Variants in SUMF1 observed in about 807,000 individuals in gnomAD.
The protein encoded by SUMF1 is sulfatase modifying factor 1.
In SUMF1, 48 loss-of-function variants were observed where a neutral mutation model predicts 47.6. That is an observed-to-expected ratio of 1.01 (90% CI 0.80 to 1.28). The LOEUF is 1.28. SUMF1 is among the 50% of genes most tolerant of loss of function. SUMF1 has a pLI of 0.00. For synonymous variants in SUMF1, 230 were observed against 192.1 expected (o/e 1.20, Z -1.63); for missense variants, 571 against 485.4 (o/e 1.18, Z -1.66).
At chr3:4,214,698 A>G (rs1404411723) in intron 8 of SUMF1, among the ~76,000 whole-genome samples, 1 of 152,118 alleles carries the variant, frequency 6.6e-6, no homozygotes, top group African/African-American at 2.4e-5. Flanking sequence ...ATGCAATAAA[A>G]AATCATATAG....
intron 8 of SUMF1, among the ~76,000 whole-genome samples, chr3:4,251,564 G>C (rs1696802246): frequency 6.6e-6 from 1 of 152,178 alleles, no homozygotes; most frequent in African/African-American, 2.4e-5. Flanking sequence ...AAAGTCCATT[G>C]ATGTGGCAAG....
At position 4,456,785 on chromosome 3, in the gene SUMF1, T is replaced by TGTGTGTATATATACGTGTATATATATAC. The variant is rs2079635973; in HGVS notation, c.271-3764_271-3737dup. Reference sequence around the variant, plus strand: ...GTGTATATATACACATATATACGTGTGTGTGTATATATACGTGTATATATA... The same window carrying TGTGTGTATATATACGTGTATATATATAC: ...GTGTATATATACACATATATACGTGTGTGTGTATATATACGTGTATATATATACGTGTGTATATATACGTGTATATATA... On this transcript the variant is annotated intron_variant, in intron 1 of 8. Transcript: ENST00000272902. 3.6e-5 allele frequency among the ~76,000 whole-genome samples: 5 copies of TGTGTGTATATATACGTGTATATATATAC among 140,606 alleles called. 1 individual carries two copies. Among genetic ancestry groups the TGTGTGTATATATACGTGTATATATATAC allele is most frequent in the South Asian group, 4.5e-4 (2 of 4,462 alleles). The allele number at this position is 140,606 out of a possible 152,430, so 92.2% of individuals were successfully genotyped here.
chr3:4,463,024 G>C (rs186814439), intron 1 of SUMF1, among the ~76,000 whole-genome samples: 1 of 152,318 alleles, frequency 6.6e-6, no homozygotes, highest in East Asian at 1.9e-4. Context: ...AAAAGTATGT[G>C]ACCTTCTCTA....
chr3:4,261,226 G>T (rs1229870591), intron 8 of SUMF1, among the ~76,000 whole-genome samples: 1 of 152,088 alleles, frequency 6.6e-6, no homozygotes, highest in African/African-American at 2.4e-5. Flanking sequence ...TTTTTCATAA[G>T]GGCAGAATAA....
intron 8 of SUMF1, among the ~76,000 whole-genome samples, chr3:4,102,066 A>G (rs1303256543): frequency 6.6e-6 from 1 of 152,146 alleles, no homozygotes; most frequent in Admixed American, 6.5e-5. Context: ...CATGGGGGTA[A>G]CTGCCTCCAT....
chr3:4,081,432 A>G (rs1574865710), intron 8 of SUMF1, among the ~76,000 whole-genome samples: 1 of 152,124 alleles, frequency 6.6e-6, no homozygotes, highest in South Asian at 2.1e-4. Context: ...AAACTTTATT[A>G]TCTAATTGAG....
At chr3:4,254,479 G>A (rs1258109044) in intron 8 of SUMF1, among the ~76,000 whole-genome samples, 1 of 150,716 alleles carries the variant, frequency 6.6e-6, no homozygotes, top group East Asian at 1.9e-4. Flanking sequence ...AGAAGCCTCA[G>A]GAGCCGATGC....
At chr3:4,275,899 T>C (rs935334922) in intron 8 of SUMF1, among the ~76,000 whole-genome samples, 7 of 152,294 alleles carry the variant, frequency 4.6e-5, no homozygotes, top group South Asian at 4.1e-4. Context: ...ATTGGCCTGT[T>C]TCTGCTCACA....
rs1291687836 is a variant in SUMF1 at position 4,151,399 on chromosome 3, GTATA to G, written c.1015-82658_1015-82655del. On this transcript the variant is annotated intron_variant and NMD_transcript_variant, in intron 8 of 12. Coordinates refer to the SUMF1 transcript ENST00000448413. ...TGTGTGTATATATATGTATATATAT[GTATA>G]TGTATATATGTATATATGTGTATAC... 9.6e-3 allele frequency among the ~76,000 whole-genome samples: 1,000 copies of G among 103,902 alleles called. 51 individuals are homozygous for G. Among genetic ancestry groups the G allele is most frequent in the African/African-American group, 0.035 (929 of 26,768 alleles). The allele number at this position is 103,902 out of a possible 152,430, so 68.2% of individuals were successfully genotyped here. A position where few individuals can be genotyped will look rare whatever the true frequency, so the allele number is the denominator to read the frequency against.
At chr3:4,376,231 T>G in intron 8 of SUMF1, 99 bp downstream of exon 8, 1 of 1,419,986 alleles carries the variant, frequency 7.0e-7, no homozygotes, top group Non-Finnish European at 1.0e-6. Flanking sequence ...GGTAGGCATT[T>G]GCAGAAGTGA....
intron 8 of SUMF1, among the ~76,000 whole-genome samples, chr3:4,243,141 A>T (rs1244401171): frequency 6.6e-6 from 1 of 151,826 alleles, no homozygotes; most frequent in East Asian, 1.9e-4. Context: ...CGTCTATTTG[A>T]TTCTTCCCTC....
At chr3:4,166,700 G>A (rs1002873267) in intron 8 of SUMF1, among the ~76,000 whole-genome samples, 3 of 152,150 alleles carry the variant, frequency 2.0e-5, no homozygotes, top group South Asian at 2.1e-4. Flanking sequence ...ACAGATGGGC[G>A]AGTCTCACTT....
In SUMF1 at chr3:4,227,694, A is replaced by C. The variant is rs141412838; in HGVS notation, c.1014+148636T>G. ...TGCTATGTGGTGGAAGTCAGTCCTC[A>C]GGTGGGAAGAATGAGAACAACAGTG... On this transcript the variant is annotated intron_variant and NMD_transcript_variant, in intron 8 of 12. Transcript: ENST00000448413. Among the ~76,000 whole-genome samples the C allele has an allele frequency of 4.0e-3, 616 of 152,194 alleles. 4 individuals are homozygous for C. The highest frequency in any genetic ancestry group is 0.014 in the African/African-American group (589 of 41,542).
chr3:4,368,854 C>T (rs1054922314), intron 8 of SUMF1, among the ~76,000 whole-genome samples: 1 of 152,014 alleles, frequency 6.6e-6, no homozygotes, highest in Non-Finnish European at 1.5e-5. Context: ...GTTCTCCGAT[C>T]CAAAAAAACG....
intron 8 of SUMF1, among the ~76,000 whole-genome samples, chr3:4,080,438 A>G (rs896103088): frequency 1.3e-5 from 2 of 152,044 alleles, no homozygotes; most frequent in Non-Finnish European, 2.9e-5. Flanking sequence ...TTCTGCACCT[A>G]TGCTAATACT....
At position 4,268,869 on chromosome 3, in the gene SUMF1, A is replaced by C. The variant is rs1049650771; in HGVS notation, c.1014+107461T>G. Among the ~76,000 whole-genome samples the C allele has an allele frequency of 1.1e-4, 17 of 152,252 alleles. No homozygotes were observed. In the South Asian group the frequency reaches 3.1e-3, roughly 28 times the overall value. Reference sequence around the variant, plus strand: ...AAAAATACCTTTAAAAAAGACATTTAGAGTGAATGTGTGTGTGTGTGCGTG... The same window carrying C: ...AAAAATACCTTTAAAAAAGACATTTCGAGTGAATGTGTGTGTGTGTGCGTG... On this transcript the variant is annotated intron_variant and NMD_transcript_variant, in intron 8 of 12. Transcript: ENST00000448413.
intron 8 of SUMF1, among the ~76,000 whole-genome samples, chr3:4,373,309 C>T (rs770390979): frequency 3.9e-5 from 6 of 152,034 alleles, no homozygotes; most frequent in Admixed American, 6.6e-5. Flanking sequence ...GGTCTAAACA[C>T]CCAATGAAAG....
At chr3:4,260,650 G>A (rs1160988655) in intron 8 of SUMF1, among the ~76,000 whole-genome samples, 11 of 152,046 alleles carry the variant, frequency 7.2e-5, no homozygotes, top group Non-Finnish European at 1.5e-4. Context: ...CATGAGAATC[G>A]CCTGAACCCA....
chr3:4,074,613 AAG>A lies in SUMF1; in HGVS notation c.1015-5870_1015-5869del, dbSNP rs545797394. 4.0e-4 allele frequency among the ~76,000 whole-genome samples: 61 copies of A among 152,102 alleles called. 2 individuals carry two copies. The East Asian group carries it at 0.012, about 29-fold the overall frequency. On this transcript the variant is annotated intron_variant and NMD_transcript_variant, in intron 8 of 12. Transcript: ENST00000448413. ...CACTAGCAAGACTAATAAAGAAGAAAAGAGAAGAATCAAATAGACCCAATAAA... is the reference window on the plus strand; with the variant it reads ...CACTAGCAAGACTAATAAAGAAGAAAAGAAGAATCAAATAGACCCAATAAA...
Sources: gnomAD v4.1 joint callset for allele counts (sites outside exome capture counted in the v4.1 genomes callset) on GRCh38, gnomAD v4.1.1 for gene constraint, MANE v1.5 for transcripts, NCBI Gene and HGNC (gene_info 2026-07-23, HGNC 2026-07-21) for gene names.